Variants in CENPE observed in about 807,000 individuals in gnomAD.
CENPE encodes the protein centromere protein E, also known as centromere-associated protein E.
Under a neutral mutation model 336.1 loss-of-function variants are expected in CENPE, and 145 were observed. That is an observed-to-expected ratio of 0.43 (90% CI 0.38 to 0.50). The LOEUF (loss-of-function observed/expected upper bound fraction) is 0.50. CENPE is among the 20% of genes least tolerant of loss of function. CENPE has a pLI of 0.00. For missense variants in CENPE, 2,719 were observed against 3,023.3 expected (o/e 0.90, Z 2.36); for synonymous variants, 1,013 against 984.8 (o/e 1.03, Z -0.54).
chr4:103,191,684 T>C (rs370725131), intron 8 of CENPE, among the ~76,000 whole-genome samples: 10 of 151,544 alleles, frequency 6.6e-5, no homozygotes, highest in East Asian at 1.9e-4. Context: ...TTAGGAGATA[T>C]ACCTAATGTA....
At chr4:103,177,819 C>A (rs1320410351) in intron 13 of CENPE, among the ~76,000 whole-genome samples, 1 of 151,994 alleles carries the variant, frequency 6.6e-6, no homozygotes, top group African/African-American at 2.4e-5. Context: ...CCCTGCTCTG[C>A]AAAAGCCCCA....
intron 24 of CENPE, among the ~76,000 whole-genome samples, chr4:103,154,626 G>A (rs532840246): frequency 1.1e-4 from 17 of 152,170 alleles, no homozygotes; most frequent in African/African-American, 4.1e-4. Flanking sequence ...CAAATACAAA[G>A]CAGATTGAGA....
Position 103,132,813 on chromosome 4 carries a change from C to A in CENPE, c.6804G>T (p.Met2268Ile). ...TTAACCACTCTTCCAAAAACTGTGT[C>A]ATTTCTTTCCTATTACTTAGTACTT... is the stretch of plus-strand genomic sequence containing the variant. ...FQQVLSNRKE[M>I]TQFLEEWLNT... Residue 2268 changes from methionine to isoleucine, a missense_variant, in exon 42 of 49, where the codon ATG (methionine) becomes ATT (isoleucine). By Grantham distance (10) the Met-to-Ile change is conservative. Coordinates refer to ENST00000265148, the MANE Select transcript of CENPE (RefSeq NM_001813.3). The A allele has an allele frequency of 6.3e-7, 1 of 1,583,576 alleles. No homozygotes were observed. Among genetic ancestry groups the A allele is most frequent in the Non-Finnish European group, 8.6e-7 (1 of 1,158,978 alleles).
intron 15 of CENPE, among the ~76,000 whole-genome samples, chr4:103,175,466 G>A (rs1392137920): frequency 1.3e-5 from 2 of 151,906 alleles, no homozygotes; most frequent in African/African-American, 4.8e-5. Flanking sequence ...ACAATAATAA[G>A]TAGTAATGCA....
At chr4:103,138,741 C>T (rs369595879) in intron 38 of CENPE, among the ~76,000 whole-genome samples, 7 of 152,076 alleles carry the variant, frequency 4.6e-5, no homozygotes, top group East Asian at 3.9e-4. Flanking sequence ...TGGTAGCTCA[C>T]GCCTGTAATC....
Position 103,133,899 on chromosome 4 carries a change from G to GA in CENPE, c.6523-8dup. The GA allele has an allele frequency of 6.5e-7, 1 of 1,544,888 alleles. No homozygotes were observed. The highest frequency in any genetic ancestry group is 2.0e-4 in the Middle Eastern group (1 of 5,124). On this transcript the variant is annotated splice_polypyrimidine_tract_variant and splice_region_variant and intron_variant, in intron 40 of 48. Transcript: ENST00000265148. Reference sequence around the variant, plus strand: ...TAACATAGCTTAACACATACTTGCAGAAAAAAATTAAACAAATTGGTAAAT... The same window carrying GA: ...TAACATAGCTTAACACATACTTGCAGAAAAAAAATTAAACAAATTGGTAAAT...
Position 103,136,223 on chromosome 4 carries a change from A to G in CENPE, c.6440T>C (p.Leu2147Ser), listed in dbSNP as rs757207028. ...AAGTTTTTCAATGTGTTTGGTTTGT[A>G]AATAGGGAAGTGAGAGGTTTGCTTT... ...RVKANLSLPYLQTKHIEKLFT... is the reference protein window; with the variant it reads ...RVKANLSLPYSQTKHIEKLFT... Residue 2147 changes from leucine to serine, a missense_variant, in exon 40 of 49, where the codon TTA becomes TCA. Around this residue, in one of 5 missense-constraint regions of CENPE, gnomAD observed 2,437 missense variants for 2,513.3 expected, o/e 0.97. Transcript: ENST00000265148. The G allele has an allele frequency of 1.9e-6, 3 of 1,613,882 alleles. No homozygotes were observed. Among genetic ancestry groups the G allele is most frequent in the Admixed American group, 3.3e-5 (2 of 60,024 alleles).
At chr4:103,113,486 T>A (rs1168840229) in intron 46 of CENPE, among the ~76,000 whole-genome samples, 2 of 141,248 alleles carry the variant, frequency 1.4e-5, no homozygotes, top group African/African-American at 5.2e-5. Context: ...TATATATTAC[T>A]TATATATGTT....
In CENPE at chr4:103,148,940, T is replaced by A. The variant is rs1753299398; in HGVS notation, c.3747A>T (p.Glu1249Asp). ...CGCTTCTTCTTAGTTCATCAATAGTTTCTTGGTGTTCTTTTAGGTGAATAT... is the reference window on the plus strand; with the variant it reads ...CGCTTCTTCTTAGTTCATCAATAGTATCTTGGTGTTCTTTTAGGTGAATAT... ...IAHIHLKEHQETIDELRRSVS... is the reference protein window; with the variant it reads ...IAHIHLKEHQDTIDELRRSVS... Residue 1249 changes from glutamate to aspartate, a missense_variant, in exon 28 of 49, where the codon GAA (glutamate) becomes GAT (aspartate). Physicochemically the swap from Glu to Asp is conservative, Grantham distance 45 (BLOSUM62 2). Coordinates refer to ENST00000265148, the MANE Select transcript of CENPE (RefSeq NM_001813.3). 1 of 1,613,738 alleles carries A rather than the reference T, an allele frequency of 6.2e-7. No homozygotes were observed. The highest frequency in any genetic ancestry group is 1.7e-4 in the Middle Eastern group (1 of 6,056).
chr4:103,155,632 A>G (rs540007939), intron 24 of CENPE, among the ~76,000 whole-genome samples: 1 of 152,190 alleles, frequency 6.6e-6, no homozygotes, highest in Non-Finnish European at 1.5e-5. Flanking sequence ...AATTGAGGTC[A>G]AATGCCTTTG....
intron 42 of CENPE, among the ~76,000 whole-genome samples, chr4:103,128,478 A>C (rs1185615153): frequency 6.6e-6 from 1 of 152,148 alleles, no homozygotes; most frequent in African/African-American, 2.4e-5. Flanking sequence ...ATTCTTCTCA[A>C]ACTCACATTG....
At chr4:103,145,398 C>T (rs1168598073) in intron 31 of CENPE, 64 bp from the exon 32 acceptor site, 27 of 1,345,688 alleles carry the variant, frequency 2.0e-5, no homozygotes, top group Non-Finnish European at 2.7e-5. Context: ...CACACACATA[C>T]ACAACTTAAG....
chr4:103,176,686 A>C (rs1406145121), intron 14 of CENPE, among the ~76,000 whole-genome samples: 1 of 152,120 alleles, frequency 6.6e-6, no homozygotes, highest in Non-Finnish European at 1.5e-5. Context: ...CAGCCTCCCA[A>C]GTAGCCGGGA....
chr4:103,151,162 A>C, intron 26 of CENPE, 57 bp downstream of exon 26: 1 of 1,511,510 alleles, frequency 6.6e-7, no homozygotes, highest in Admixed American at 2.2e-5. Context: ...AATAAAAATT[A>C]CCAAAAAAAA....
Position 103,106,170 on chromosome 4 carries a change from G to A in CENPE, c.*52C>T. The A allele has an allele frequency of 7.8e-7, 1 of 1,275,274 alleles. No homozygotes were observed. The highest frequency in any genetic ancestry group is 1.1e-6 in the Non-Finnish European group (1 of 918,330). 79.0% of individuals were successfully genotyped at this position (1,275,274 alleles called of 1,614,324 possible). On this transcript the variant is annotated 3_prime_UTR_variant, in exon 49 of 49. Coordinates refer to ENST00000265148, the MANE Select transcript of CENPE (RefSeq NM_001813.3). ...TACCAGGGATAGACACATAAACAAA[G>A]TCATTTCCAAATAAGGAATGCTGGA...
At position 103,120,246 on chromosome 4, in the gene CENPE, G is replaced by A. The variant is rs1475888723; in HGVS notation, c.7231C>T (p.Leu2411Phe). Residue 2411 changes from leucine (L) to phenylalanine (F), a missense_variant, in exon 44 of 49, where the codon CTT becomes TTT. Coordinates refer to ENST00000265148, the MANE Select transcript of CENPE (RefSeq NM_001813.3). Reference protein sequence around the residue: ...ESKIIKMQKELEVTNDIIAKL... With the variant: ...ESKIIKMQKEFEVTNDIIAKL... The stretch of plus-strand genomic sequence containing the variant: ...GCTATTATGTCATTAGTCACCTCAA[G>A]TTCTTTCTGCATCTTTATAATCTTG... 6.2e-7 allele frequency: 1 copy of A among 1,612,692 alleles called. No individual in the cohort carries two copies. The highest frequency in any genetic ancestry group is 1.1e-5 in the South Asian group (1 of 90,894).
intron 8 of CENPE, among the ~76,000 whole-genome samples, chr4:103,188,090 G>T (rs1756960829): frequency 1.3e-5 from 2 of 152,002 alleles, no homozygotes; most frequent in African/African-American, 4.8e-5. Flanking sequence ...AACAAGAAGA[G>T]CTAACTATCC....
Position 103,182,653 on chromosome 4 carries a change from T to A in CENPE, c.963+109A>T, listed in dbSNP as rs1237461152. On this transcript the variant is annotated intron_variant, in intron 11 of 48. Coordinates refer to ENST00000265148, the MANE Select transcript of CENPE (RefSeq NM_001813.3). Reference sequence around the variant, plus strand: ...GCTATTTAGTAGACAACATATCGATTATAACAGGCGAGTTAATTAAAAAAA... The same window carrying A: ...GCTATTTAGTAGACAACATATCGATAATAACAGGCGAGTTAATTAAAAAAA... The A allele has an allele frequency of 7.0e-6, 6 of 857,480 alleles. No individual in the cohort carries two copies. In the East Asian group the frequency reaches 1.1e-4, roughly 15 times the overall value. 53.1% of individuals were successfully genotyped at this position (857,480 alleles called of 1,614,324 possible). A position where few individuals can be genotyped will look rare whatever the true frequency, so the allele number is the denominator to read the frequency against.
At chr4:103,168,067 C>G (rs149957927) in intron 16 of CENPE, among the ~76,000 whole-genome samples, 1 of 151,820 alleles carries the variant, frequency 6.6e-6, no homozygotes, top group Non-Finnish European at 1.5e-5. Flanking sequence ...CAGATTCCGA[C>G]GGGGACATGT....
Sources: gnomAD v4.1 joint callset for allele counts (sites outside exome capture counted in the v4.1 genomes callset) on GRCh38, gnomAD v4.1.1 for gene constraint, gnomAD v4.1.1 regional missense constraint, MANE v1.5 for transcripts, NCBI Gene and HGNC (gene_info 2026-07-23, HGNC 2026-07-21) for gene names.